CSNK2A1: variants seen among roughly 807,000 people sequenced by gnomAD.
CSNK2A1 encodes casein kinase 2 alpha 1.
A neutral mutation model predicts 62.9 loss-of-function variants in CSNK2A1; 10 were observed. That is an observed-to-expected ratio of 0.16 (90% CI 0.10 to 0.27). CSNK2A1 has a LOEUF of 0.27. CSNK2A1 is among the 10% of genes least tolerant of loss of function. The probability of loss-of-function intolerance (pLI) is 1.00; values close to 1 mark genes in which losing one functional copy is unlikely to be tolerated. For missense variants in CSNK2A1, 160 were observed against 492.0 expected (o/e 0.33, Z 6.38); for synonymous variants, 124 against 167.8 (o/e 0.74, Z 2.02).
intron 2 of CSNK2A1, among the ~76,000 whole-genome samples, chr20:520,094 G>T (rs1241236880): frequency 6.6e-6 from 1 of 151,886 alleles, no homozygotes; most frequent in African/African-American, 2.4e-5. Flanking sequence ...GAATCCAAAA[G>T]AATGTTAAGA....
intron 1 of CSNK2A1, among the ~76,000 whole-genome samples, chr20:536,519 G>C (rs964365930): frequency 6.6e-6 from 1 of 152,160 alleles, no homozygotes; most frequent in African/African-American, 2.4e-5. Flanking sequence ...CAAGGTAGTT[G>C]TTATCCGAAC....
Position 499,740 on chromosome 20 carries a change from G to A in CSNK2A1, c.315+93C>T. 1 of 1,154,348 alleles carries A rather than the reference G, an allele frequency of 8.7e-7. No individual in the cohort carries two copies. Among genetic ancestry groups the A allele is most frequent in the South Asian group, 1.3e-5 (1 of 78,782 alleles). 71.5% of individuals were successfully genotyped at this position (1,154,348 alleles called of 1,614,324 possible). ...CTTTCAAAGCAGGACTTAATGATGA[G>A]GGTTGGGGGAGGGAACAAAAAGAGG... On this transcript the variant is annotated intron_variant, in intron 5 of 13. Coordinates refer to ENST00000217244, the MANE Select transcript of CSNK2A1 (RefSeq NM_177559.3). The surrounding 1 kb of genome is among the most constrained non-coding windows in gnomAD (Gnocchi z 4.2).
At position 491,753 on chromosome 20, in the gene CSNK2A1, C is replaced by A. The variant is rs574969867; in HGVS notation, c.621+501G>T. ...CCTGGCTAACACAGTGAAACCCAGTCTCTACTAAAAATACAAGAAAAATTA... is the reference window on the plus strand; with the variant it reads ...CCTGGCTAACACAGTGAAACCCAGTATCTACTAAAAATACAAGAAAAATTA... On this transcript the variant is annotated intron_variant, in intron 9 of 13. Transcript: ENST00000217244. Among the ~76,000 whole-genome samples the A allele has an allele frequency of 3.9e-5, 6 of 152,106 alleles. No individual in the cohort carries two copies. In the South Asian group the frequency reaches 1.2e-3, roughly 32 times the overall value.
At chr20:524,079 T>A (rs1199426986) in intron 2 of CSNK2A1, among the ~76,000 whole-genome samples, 2 of 150,818 alleles carry the variant, frequency 1.3e-5, no homozygotes, top group South Asian at 2.1e-4. Context: ...TGTATTAATT[T>A]AAAAAAAAAT....
At chr20:505,703 C>T (rs1460134580) in intron 3 of CSNK2A1, among the ~76,000 whole-genome samples, 1 of 149,698 alleles carries the variant, frequency 6.7e-6, no homozygotes, top group Non-Finnish European at 1.5e-5. Flanking sequence ...AATTAAAATA[C>T]GTGTGTTTCA....
chr20:514,477 G>T (rs1487872842), intron 2 of CSNK2A1, among the ~76,000 whole-genome samples: 2 of 151,932 alleles, frequency 1.3e-5, no homozygotes, highest in Non-Finnish European at 2.9e-5. Flanking sequence ...CTGTCACCCA[G>T]GCTGGAGTGC....
intron 2 of CSNK2A1, among the ~76,000 whole-genome samples, chr20:515,867 G>T (rs1159014436): frequency 6.6e-6 from 1 of 152,154 alleles, no homozygotes; most frequent in African/African-American, 2.4e-5. Flanking sequence ...CAGGTCATCT[G>T]GTACGCAACT....
chr20:531,612 T>A (rs1390608532), intron 1 of CSNK2A1, among the ~76,000 whole-genome samples: 1 of 152,044 alleles, frequency 6.6e-6, no homozygotes, highest in Non-Finnish European at 1.5e-5. Flanking sequence ...GCTCAGGAAA[T>A]CTGTAAACTC....
intron 1 of CSNK2A1, among the ~76,000 whole-genome samples, chr20:532,879 A>G (rs1336366921): frequency 6.6e-6 from 1 of 152,204 alleles, no homozygotes; most frequent in Non-Finnish European, 1.5e-5. Flanking sequence ...AACAAAAACA[A>G]CAAAGACAAA....
At position 481,677 on chromosome 20, in the gene CSNK2A1, GCTCTCCGCATCAGCCTAAGCT is replaced by G. The variant is rs2017958860; in HGVS notation, c.*2263_*2283del. On this transcript the variant is annotated 3_prime_UTR_variant, in exon 14 of 14. Coordinates refer to ENST00000217244, the MANE Select transcript of CSNK2A1 (RefSeq NM_177559.3). ...GTGTAAGGAGGTCCAGCTGTCTGCA[GCTCTCCGCATCAGCCTAAGCT>G]ACACCTCAATTTCCGAGCTACAAGG... 2.6e-5 allele frequency: 4 copies of G among 152,098 alleles called. No individual in the cohort carries two copies. Among genetic ancestry groups the G allele is most frequent in the African/African-American group, 4.8e-5 (2 of 41,400 alleles). 9.4% of individuals were successfully genotyped at this position (152,098 alleles called of 1,614,324 possible).
intron 1 of CSNK2A1, among the ~76,000 whole-genome samples, chr20:533,203 G>C (rs1345043714): frequency 6.6e-6 from 1 of 152,140 alleles, no homozygotes; most frequent in Non-Finnish European, 1.5e-5. Context: ...AAGGTTCTAA[G>C]TATACAATGA....
chr20:527,003 G>GACAGAGAC (rs113540147), intron 2 of CSNK2A1: 11 of 98,256 alleles, frequency 1.1e-4, no homozygotes, highest in South Asian at 1.1e-3. Context: ...GAGACAGACA[G>GACAGAGAC]AGAGAGAGAG....
chr20:495,485 T>G (rs1023347194), intron 8 of CSNK2A1: 3 of 449,542 alleles, frequency 6.7e-6, no homozygotes, highest in Non-Finnish European at 8.1e-6. Flanking sequence ...GTTTCCGGGC[T>G]TAGAAGATGA....
chr20:540,556 A>G (rs1289978559), intron 1 of CSNK2A1, among the ~76,000 whole-genome samples: 1 of 152,018 alleles, frequency 6.6e-6, no homozygotes, highest in African/African-American at 2.4e-5. Flanking sequence ...TTCTTTTTTG[A>G]CAGGGTCTCA....
chr20:473,166 C>A lies in CSNK2A1; in HGVS notation c.*10795G>T, dbSNP rs2017785018. 1 of 152,484 alleles carries A rather than the reference C, an allele frequency of 6.6e-6. No homozygotes were observed. Among genetic ancestry groups the A allele is most frequent in the Non-Finnish European group, 1.5e-5 (1 of 68,266 alleles). The allele number at this position is 152,484 out of a possible 1,614,324, so 9.4% of individuals were successfully genotyped here. The stretch of plus-strand genomic sequence containing the variant: ...TTTCTCCTTCCATGTGTGCTCCCTG[C>A]TCAGCTTTAGGTCCTCCCTTTGTGA... On this transcript the variant is annotated 3_prime_UTR_variant, in exon 14 of 14. Transcript: ENST00000217244.
chr20:486,240 T>A, intron 13 of CSNK2A1, 136 bp downstream of exon 13: 1 of 852,566 alleles, frequency 1.2e-6, no homozygotes, highest in South Asian at 1.8e-5. Context: ...ATGTCAAGCA[T>A]GCTGAAACCT....
chr20:499,039 T>C lies in CSNK2A1; in HGVS notation c.366+216A>G. On this transcript the variant is annotated intron_variant, in intron 6 of 13. Coordinates refer to ENST00000217244, the MANE Select transcript of CSNK2A1 (RefSeq NM_177559.3). This position sits in a 1 kb window ranked among gnomAD's most constrained non-coding sequence, Gnocchi z 4.2. The stretch of plus-strand genomic sequence containing the variant: ...ACTAAGTAGTGAGAAGTCAATGTGT[T>C]GGTCATTAAAAAGAACATTAAACAA... 1 of 330,638 alleles carries C rather than the reference T, an allele frequency of 3.0e-6. No homozygotes were observed. Among genetic ancestry groups the C allele is most frequent in the East Asian group, 5.0e-5 (1 of 20,172 alleles). The allele number at this position is 330,638 out of a possible 1,614,324, so 20.5% of individuals were successfully genotyped here.
At chr20:484,217 G>A in intron 13 of CSNK2A1, 141 bp from the exon 14 acceptor site, 1 of 614,184 alleles carries the variant, frequency 1.6e-6, no homozygotes, top group Non-Finnish European at 2.6e-6. Flanking sequence ...TATACTTCAA[G>A]TCTGACCCTC....
At chr20:507,502 A>G (rs1284851342) in intron 3 of CSNK2A1, 2 of 152,252 alleles carry the variant, frequency 1.3e-5, no homozygotes, top group Non-Finnish European at 2.9e-5. Context: ...ACATTGGGAC[A>G]GGAAATGCAA....
Sources: allele counts gnomAD v4.1 joint callset (sites outside exome capture counted in the v4.1 genomes callset), GRCh38; gene constraint gnomAD v4.1.1; non-coding constraint Gnocchi (gnomAD v3.1); transcripts MANE v1.5; gene names NCBI Gene and HGNC (gene_info 2026-07-23, HGNC 2026-07-21).